The following GCNT2 variants were observed in gnomAD, a reference collection of about 807,000 sequenced individuals.
The protein encoded by GCNT2 is glucosaminyl (N-acetyl) transferase 2 (I blood group), also known as N-acetyllactosaminide beta-1,6-N-acetylglucosaminyl-transferase.
In GCNT2, 34 loss-of-function variants were observed where a neutral mutation model predicts 34.2. The ratio of observed to expected loss-of-function variants is 1.00; its 90% CI spans 0.76 to 1.32. GCNT2 has a LOEUF of 1.32. Ranked by LOEUF, GCNT2 falls within the 40% of genes most tolerant of loss-of-function variation. The pLI, the probability that GCNT2 is intolerant of heterozygous loss-of-function variation, is 0.00. For synonymous variants in GCNT2, 212 were observed against 188.0 expected, an observed-to-expected ratio of 1.13 and a Z score of -1.04; for missense variants, 584 against 489.4, an observed-to-expected ratio of 1.19 and a Z score of -1.82.
intron 3 of GCNT2, among the ~76,000 whole-genome samples, chr6:10,558,232 C>T (rs1182820919): frequency 6.6e-6 from 1 of 152,168 alleles, no homozygotes; most frequent in Non-Finnish European, 1.5e-5. Context: ...TCATTAACTG[C>T]TCCTCAGTGC....
chr6:10,577,903 G>A (rs1763893161), intron 3 of GCNT2, among the ~76,000 whole-genome samples: 1 of 152,136 alleles, frequency 6.6e-6, no homozygotes, highest in South Asian at 2.1e-4. Flanking sequence ...GGTAGGAGGT[G>A]CACCTTAAAA....
At chr6:10,621,998 A>G (rs1766056728) in intron 4 of GCNT2, among the ~76,000 whole-genome samples, 1 of 152,164 alleles carries the variant, frequency 6.6e-6, no homozygotes, top group Admixed American at 6.5e-5. Flanking sequence ...CCGCAGAGAA[A>G]GCTGGGCCCC....
At chr6:10,592,144 G>A (rs1441710558) in intron 3 of GCNT2, among the ~76,000 whole-genome samples, 3 of 152,158 alleles carry the variant, frequency 2.0e-5, no homozygotes, top group Admixed American at 1.3e-4. Context: ...TGGGGGGGCT[G>A]GAGGACAATC....
chr6:10,522,167 C>T (rs1760945502), intron 1 of GCNT2, among the ~76,000 whole-genome samples: 1 of 152,092 alleles, frequency 6.6e-6, no homozygotes, highest in Non-Finnish European at 1.5e-5. Flanking sequence ...GGATTACAGG[C>T]GTGAGCCACC....
Position 10,590,941 on chromosome 6 carries a change from C to T in GCNT2, c.926-30410C>T, listed in dbSNP as rs1764614380. Among the ~76,000 whole-genome samples the T allele has an allele frequency of 2.0e-5, 3 of 152,242 alleles. No homozygotes were observed. In the South Asian group the frequency reaches 6.2e-4, roughly 32 times the overall value. ...TTGATGCCCTTCCTGTCTAACTCTTCATCCTTTATGTCTAACTCTGTCTAA... is the reference window on the plus strand; with the variant it reads ...TTGATGCCCTTCCTGTCTAACTCTTTATCCTTTATGTCTAACTCTGTCTAA... On this transcript the variant is annotated intron_variant, in intron 3 of 4. Coordinates refer to ENST00000495262, the MANE Select transcript of GCNT2 (RefSeq NM_145649.5).
chr6:10,534,921 C>T (rs1052063583), intron 3 of GCNT2, among the ~76,000 whole-genome samples: 5 of 152,140 alleles, frequency 3.3e-5, no homozygotes, highest in African/African-American at 7.2e-5. Context: ...CAGTGGCTCA[C>T]GCCTGTAATC....
chr6:10,612,426 G>C (rs1016703530), intron 3 of GCNT2, among the ~76,000 whole-genome samples: 3 of 152,160 alleles, frequency 2.0e-5, no homozygotes, highest in African/African-American at 7.2e-5. Context: ...CTAGTGGGAA[G>C]AGACTGGGAA....
chr6:10,626,574 T>G lies in GCNT2; in HGVS notation c.1176T>G (p.Ser392Arg), dbSNP rs1766267103. The G allele has an allele frequency of 2.5e-6, 4 of 1,613,692 alleles. No homozygotes were observed. Among genetic ancestry groups the G allele is most frequent in the Admixed American group, 3.3e-5 (2 of 59,980 alleles). Residue 392 changes from serine (S) to arginine (R), a missense_variant, in exon 5 of 5, where the codon AGT becomes AGG. Coordinates refer to ENST00000495262, the MANE Select transcript of GCNT2 (RefSeq NM_145649.5). ...ATCGCGAAAGAACCCTCAATCAGAG[T>G]GAAACTGCGATACAACCCAGCTGGT... ...LRHRERTLNQSETAIQPSWYF is the reference protein window; with the variant it reads ...LRHRERTLNQRETAIQPSWYF
Position 10,540,077 on chromosome 6 carries a change from CAAA to C in GCNT2, c.925+10248_925+10250del, listed in dbSNP as rs200542165. 4.3e-4 allele frequency among the ~76,000 whole-genome samples: 61 copies of C among 140,478 alleles called. No individual in the cohort carries two copies. In the East Asian group the frequency reaches 6.0e-3, roughly 14 times the overall value. 92.2% of individuals were successfully genotyped at this position (140,478 alleles called of 152,430 possible). ...TTGGTGACAGAGTGAGACCCCATCT[CAAA>C]AAAAAAGGAAGGAAAGGAAGGAAGG... is the stretch of plus-strand genomic sequence containing the variant. On this transcript the variant is annotated intron_variant, in intron 3 of 4. Coordinates refer to ENST00000495262, the MANE Select transcript of GCNT2 (RefSeq NM_145649.5).
chr6:10,596,520 C>CAA (rs138414233), intron 3 of GCNT2, among the ~76,000 whole-genome samples: 9 of 141,562 alleles, frequency 6.4e-5, no homozygotes, highest in African/African-American at 1.0e-4. Flanking sequence ...GACTCCATCT[C>CAA]AAAAAAAAAA....
intron 3 of GCNT2, among the ~76,000 whole-genome samples, chr6:10,533,500 A>G (rs917184211): frequency 6.6e-6 from 1 of 151,728 alleles, no homozygotes; most frequent in Non-Finnish European, 1.5e-5. Flanking sequence ...TAAAGAATGT[A>G]TTTTATGCCA....
chr6:10,529,731 G>A lies in GCNT2; in HGVS notation c.820G>A (p.Ala274Thr), dbSNP rs182849633. The A allele has an allele frequency of 2.2e-4, 348 of 1,614,100 alleles. No homozygotes were observed. The Admixed American group carries it at 5.6e-3, about 26-fold the overall frequency. Residue 274 changes from alanine to threonine, a missense_variant, in exon 3 of 5, where the codon GCT becomes ACT. Coordinates refer to ENST00000495262, the MANE Select transcript of GCNT2 (RefSeq NM_145649.5). ...CTACGTGGCTCTCACAAGGGACTTTGCTAACTTCGTCCTCCAAGACCAGCT... is the reference window on the plus strand; with the variant it reads ...CTACGTGGCTCTCACAAGGGACTTTACTAACTTCGTCCTCCAAGACCAGCT... ...TAYVALTRDF[A>T]NFVLQDQLAL... is the part of the protein sequence containing the mutation.
chr6:10,553,362 T>G (rs1407521387), intron 3 of GCNT2, among the ~76,000 whole-genome samples: 1 of 152,196 alleles, frequency 6.6e-6, no homozygotes, highest in Non-Finnish European at 1.5e-5. Flanking sequence ...TGACTTAGCC[T>G]GGCATGTAGC....
intron 3 of GCNT2, among the ~76,000 whole-genome samples, chr6:10,595,026 G>A (rs553496825): frequency 6.6e-6 from 1 of 151,940 alleles, no homozygotes; most frequent in African/African-American, 2.4e-5. Flanking sequence ...TTAATTTCTT[G>A]TCGAGTCGGG....
chr6:10,611,560 A>G (rs1765557055), intron 3 of GCNT2, among the ~76,000 whole-genome samples: 1 of 151,744 alleles, frequency 6.6e-6, no homozygotes, highest in Non-Finnish European at 1.5e-5. Flanking sequence ...CGATCTCTTG[A>G]TCTCGTGGTC....
At chr6:10,582,449 AAT>A (rs1229560938) in intron 3 of GCNT2, among the ~76,000 whole-genome samples, 8 of 125,436 alleles carry the variant, frequency 6.4e-5, no homozygotes, top group South Asian at 2.2e-4. Flanking sequence ...TTTATTATAT[AAT>A]ATATATAATA....
At chr6:10,599,292 G>T (rs949721309) in intron 3 of GCNT2, among the ~76,000 whole-genome samples, 7 of 152,154 alleles carry the variant, frequency 4.6e-5, no homozygotes, top group Non-Finnish European at 1.0e-4. Flanking sequence ...GAAACACAGG[G>T]AGCCAACAGC....
At chr6:10,545,106 C>G (rs1490449379) in intron 3 of GCNT2, among the ~76,000 whole-genome samples, 1 of 152,040 alleles carries the variant, frequency 6.6e-6, no homozygotes, top group Non-Finnish European at 1.5e-5. Context: ...TTTTAAGAAT[C>G]AAGTGGGTAC....
chr6:10,560,680 G>A (rs597772), intron 3 of GCNT2, among the ~76,000 whole-genome samples: 1 of 152,122 alleles, frequency 6.6e-6, no homozygotes, highest in Admixed American at 6.5e-5. Context: ...TCGAATTGGC[G>A]AGACTGAATA....
Sources: gnomAD v4.1 joint callset for allele counts (sites outside exome capture counted in the v4.1 genomes callset) on GRCh38, gnomAD v4.1.1 for gene constraint, MANE v1.5 for transcripts, NCBI Gene and HGNC (gene_info 2026-07-23, HGNC 2026-07-21) for gene names.